CNTNAP2: variants seen among roughly 807,000 people sequenced by gnomAD.
CNTNAP2 encodes the protein contactin associated protein 2.
A neutral mutation model predicts 155.2 loss-of-function variants in CNTNAP2; 98 were observed. That is an observed-to-expected ratio of 0.63 (90% CI 0.54 to 0.75). The LOEUF (loss-of-function observed/expected upper bound fraction) is 0.75, where lower values mean the gene tolerates loss of function less well. Among genes scored for constraint, CNTNAP2 ranks in the 30% least tolerant of loss-of-function variants. The probability of loss-of-function intolerance (pLI) is 0.00; values close to 1 mark genes in which losing one functional copy is unlikely to be tolerated. For missense variants in CNTNAP2, 1,727 were observed against 1,688.1 expected, an observed-to-expected ratio of 1.02 and a Z score of -0.40; for synonymous variants, 651 against 631.2, an observed-to-expected ratio of 1.03 and a Z score of -0.47.
intron 21 of CNTNAP2, among the ~76,000 whole-genome samples, chr7:148,349,978 G>T (rs1285624221): frequency 1.3e-5 from 2 of 152,220 alleles, no homozygotes; most frequent in Non-Finnish European, 2.9e-5. Flanking sequence ...AGTTTATTAT[G>T]AGTTGATGGG....
chr7:146,799,057 C>T (rs959030118), intron 2 of CNTNAP2, among the ~76,000 whole-genome samples: 1 of 152,180 alleles, frequency 6.6e-6, no homozygotes, highest in Admixed American at 6.5e-5. Context: ...ACAACCACAT[C>T]ACTTGAATTG....
chr7:147,497,340 G>T (rs943464340), intron 11 of CNTNAP2, among the ~76,000 whole-genome samples: 2 of 152,054 alleles, frequency 1.3e-5, no homozygotes, highest in African/African-American at 4.8e-5. Flanking sequence ...TTGGCATCAC[G>T]GATGCCACCA....
At chr7:146,158,953 GTT>G (rs1798173046) in intron 1 of CNTNAP2, among the ~76,000 whole-genome samples, 1 of 152,158 alleles carries the variant, frequency 6.6e-6, no homozygotes, top group South Asian at 2.1e-4. Context: ...ATTCACCAAA[GTT>G]GAAATGAAGG....
chr7:148,373,097 T>C (rs1798920031), intron 21 of CNTNAP2, among the ~76,000 whole-genome samples: 2 of 152,122 alleles, frequency 1.3e-5, no homozygotes, highest in Non-Finnish European at 2.9e-5. Flanking sequence ...AATGCCTTCT[T>C]CTGGAATAGC....
intron 1 of CNTNAP2, among the ~76,000 whole-genome samples, chr7:146,428,116 C>T (rs1284031461): frequency 1.3e-5 from 2 of 152,156 alleles, no homozygotes; most frequent in Non-Finnish European, 2.9e-5. Context: ...CATATATACA[C>T]CACATTTTCT....
At chr7:147,289,860 ATTGT>A (rs1186602190) in intron 8 of CNTNAP2, among the ~76,000 whole-genome samples, 1 of 152,158 alleles carries the variant, frequency 6.6e-6, no homozygotes, top group African/African-American at 2.4e-5. Context: ...TGGGTTTCCC[ATTGT>A]TTGATGACGT....
rs150347967 is a variant in CNTNAP2 at position 148,268,536 on chromosome 7, T to G, written c.3475+1410T>G. The stretch of plus-strand genomic sequence containing the variant: ...CGGGCGTGGTGGTGGGCGTCTGTAG[T>G]CCCAGCTACTTGGGAGGCTGAGGCA... On this transcript the variant is annotated intron_variant, in intron 21 of 23. Coordinates refer to ENST00000361727, the MANE Select transcript of CNTNAP2 (RefSeq NM_014141.6). Among the ~76,000 whole-genome samples, 1,033 of 152,048 alleles carry G rather than the reference T, an allele frequency of 6.8e-3. 14 individuals carry two copies. Among genetic ancestry groups the G allele is most frequent in the African/African-American group, 0.024 (989 of 41,468 alleles).
chr7:147,493,107 A>G (rs956533402), intron 11 of CNTNAP2, among the ~76,000 whole-genome samples: 1 of 152,166 alleles, frequency 6.6e-6, no homozygotes, highest in African/African-American at 2.4e-5. Context: ...TGTAAGTCGC[A>G]TCTACTGATC....
intron 13 of CNTNAP2, among the ~76,000 whole-genome samples, chr7:147,772,094 C>T (rs1797479176): frequency 1.3e-5 from 2 of 151,968 alleles, no homozygotes; most frequent in South Asian, 4.2e-4. Flanking sequence ...AGTAAGATAA[C>T]TAGGTCAATG....
At chr7:147,731,492 GA>G (rs945783489) in intron 13 of CNTNAP2, among the ~76,000 whole-genome samples, 18 of 148,888 alleles carry the variant, frequency 1.2e-4, no homozygotes, top group South Asian at 2.1e-4. Flanking sequence ...GACATACATA[GA>G]AAAAAAAAAG....
At chr7:146,761,103 C>A (rs1197958867) in intron 1 of CNTNAP2, among the ~76,000 whole-genome samples, 1 of 152,106 alleles carries the variant, frequency 6.6e-6, no homozygotes, top group Non-Finnish European at 1.5e-5. Context: ...ATGATCGCCA[C>A]CTTCCATACA....
chr7:146,804,035 T>A (rs567820591), intron 2 of CNTNAP2, among the ~76,000 whole-genome samples: 188 of 152,258 alleles, frequency 1.2e-3, no homozygotes, highest in African/African-American at 3.7e-3. Context: ...ACTTCAGCAT[T>A]GTTCAGTTTT....
At chr7:147,056,190 TC>T (rs1434518913) in intron 4 of CNTNAP2, among the ~76,000 whole-genome samples, 2 of 152,264 alleles carry the variant, frequency 1.3e-5, no homozygotes, top group Admixed American at 1.3e-4. Context: ...AAGAAAAACT[TC>T]CCTGTTTTTC....
At chr7:147,549,498 G>A (rs10238771) in intron 11 of CNTNAP2, among the ~76,000 whole-genome samples, 28,008 of 152,046 alleles carry the variant, frequency 0.18, 2,895 homozygotes, top group East Asian at 0.36. Context: ...AGATGTTTTG[G>A]GGCTGAGATG....
chr7:147,093,307 A>G (rs1800456056), intron 4 of CNTNAP2, among the ~76,000 whole-genome samples: 1 of 151,648 alleles, frequency 6.6e-6, no homozygotes. Context: ...GCAGCATTAT[A>G]CTTATTTTTG....
intron 18 of CNTNAP2, among the ~76,000 whole-genome samples, chr7:148,182,097 C>T (rs1795048591): frequency 6.6e-6 from 1 of 152,044 alleles, no homozygotes; most frequent in Non-Finnish European, 1.5e-5. Flanking sequence ...TGTGGGGACA[C>T]AGCTGAATTT....
At chr7:148,357,694 T>A (rs183706631) in intron 21 of CNTNAP2, among the ~76,000 whole-genome samples, 14 of 152,344 alleles carry the variant, frequency 9.2e-5, no homozygotes, top group African/African-American at 3.4e-4. Flanking sequence ...TATAACTGTT[T>A]CTCTGTGCCT....
At chr7:147,172,404 C>A (rs1802247924) in intron 8 of CNTNAP2, among the ~76,000 whole-genome samples, 1 of 152,088 alleles carries the variant, frequency 6.6e-6, no homozygotes, top group African/African-American at 2.4e-5. Context: ...ATTATGCATT[C>A]TCTTTTCATT....
chr7:147,309,191 C>T (rs1795081288), intron 9 of CNTNAP2, among the ~76,000 whole-genome samples: 1 of 152,138 alleles, frequency 6.6e-6, no homozygotes, highest in Non-Finnish European at 1.5e-5. Context: ...AGCTCTCATC[C>T]ACATTTACAT....
Sources: gnomAD v4.1 joint callset for allele counts (sites outside exome capture counted in the v4.1 genomes callset) on GRCh38, gnomAD v4.1.1 for gene constraint, MANE v1.5 for transcripts, NCBI Gene and HGNC (gene_info 2026-07-23, HGNC 2026-07-21) for gene names.